The following TYW1 variants were observed in gnomAD, a reference collection of about 807,000 sequenced individuals.
TYW1 encodes S-adenosyl-L-methionine-dependent tRNA 4-demethylwyosine synthase TYW1.
TYW1 carries 46 observed loss-of-function variants against 96.2 expected under a neutral mutation model. The observed-to-expected ratio is 0.48, with a 90% CI of 0.38 to 0.61. TYW1 has a LOEUF of 0.61. Ranked by LOEUF, TYW1 falls within the 20% of genes least tolerant of loss-of-function variation. The pLI, the probability that TYW1 is intolerant of heterozygous loss-of-function variation, is 0.00. For missense variants in TYW1, 684 were observed against 909.6 expected (o/e 0.75, Z 3.19); for synonymous variants, 274 against 323.0 (o/e 0.85, Z 1.63).
intron 15 of TYW1, among the ~76,000 whole-genome samples, chr7:67,209,558 C>A (rs1430149235): frequency 6.6e-6 from 1 of 151,912 alleles, no homozygotes; most frequent in African/African-American, 2.4e-5. Flanking sequence ...CTTCATTCTT[C>A]CTGTAAAATT....
intron 13 of TYW1, among the ~76,000 whole-genome samples, chr7:67,137,999 C>T (rs7791271): frequency 0.24 from 36,855 of 151,982 alleles, 4,729 homozygotes; most frequent in African/African-American, 0.32. Flanking sequence ...AGGTTGCTAC[C>T]GATCTGGACT....
intron 13 of TYW1, among the ~76,000 whole-genome samples, chr7:67,143,112 G>T (rs143468521): frequency 6.6e-6 from 1 of 151,326 alleles, no homozygotes; most frequent in Admixed American, 6.6e-5. Context: ...TAATTTTTGT[G>T]TATAAATGAC....
rs183305856 is a variant in TYW1 at position 67,128,296 on chromosome 7, A to C, written c.1698+10678A>C. Among the ~76,000 whole-genome samples the C allele has an allele frequency of 4.6e-5, 7 of 152,236 alleles. No individual in the cohort carries two copies. The East Asian group carries it at 1.4e-3, about 30-fold the overall frequency. Reference sequence around the variant, plus strand: ...TTCTGTTGAGAATCCTTAAACTCAGAGATTCCTTCATCAGCCATATCCAGT... The same window carrying C: ...TTCTGTTGAGAATCCTTAAACTCAGCGATTCCTTCATCAGCCATATCCAGT... On this transcript the variant is annotated intron_variant, in intron 13 of 15. Coordinates refer to ENST00000359626, the MANE Select transcript of TYW1 (RefSeq NM_018264.4).
At chr7:67,005,885 C>CT (rs1562961591) in intron 3 of TYW1, among the ~76,000 whole-genome samples, 1 of 151,972 alleles carries the variant, frequency 6.6e-6, no homozygotes, top group Non-Finnish European at 1.5e-5. Context: ...TCCTTGGTTT[C>CT]TTTTTTTTCA....
intron 15 of TYW1, among the ~76,000 whole-genome samples, chr7:67,196,384 TG>T (rs1456188588): frequency 6.6e-6 from 1 of 152,190 alleles, no homozygotes; most frequent in Non-Finnish European, 1.5e-5. Context: ...AAAGTTCCTG[TG>T]GGCGTGTGTC....
chr7:67,043,722 C>G (rs1225535781), intron 7 of TYW1, among the ~76,000 whole-genome samples: 3 of 152,130 alleles, frequency 2.0e-5, no homozygotes, highest in African/African-American at 7.2e-5. Context: ...GTCTCTGTAG[C>G]TAGGAGCACT....
chr7:67,029,414 T>TATATATATATATATATATATATAC (rs1562973615), intron 7 of TYW1, among the ~76,000 whole-genome samples: 6 of 138,408 alleles, frequency 4.3e-5, no homozygotes, highest in Admixed American at 7.6e-5. Flanking sequence ...TGTGTGTGTG[T>TATATATATATATATATATATATAC]GTATATATAT....
chr7:67,111,747 A>T (rs530292270), intron 12 of TYW1, among the ~76,000 whole-genome samples: 2 of 152,330 alleles, frequency 1.3e-5, no homozygotes, highest in East Asian at 3.9e-4. Flanking sequence ...ACACTTGTTA[A>T]ATAACCAGAA....
chr7:67,042,145 ATAT>A (rs1163178650), intron 7 of TYW1, among the ~76,000 whole-genome samples: 9 of 147,854 alleles, frequency 6.1e-5, no homozygotes, highest in Non-Finnish European at 1.3e-4. Context: ...ATATAATTAT[ATAT>A]TATTAGTATA....
intron 13 of TYW1, among the ~76,000 whole-genome samples, chr7:67,180,403 T>G (rs1799799195): frequency 9.1e-6 from 1 of 109,372 alleles, no homozygotes; most frequent in South Asian, 2.9e-4. Flanking sequence ...TATATATATA[T>G]ATTTATATAT....
chr7:67,208,066 A>G (rs1042574795), intron 15 of TYW1, among the ~76,000 whole-genome samples: 10 of 152,144 alleles, frequency 6.6e-5, no homozygotes, highest in African/African-American at 2.4e-4. Context: ...GGTGGCTCAC[A>G]TCTGTAATCC....
At chr7:67,030,581 A>G (rs78193612) in intron 7 of TYW1, among the ~76,000 whole-genome samples, 47,292 of 132,908 alleles carry the variant, frequency 0.36, 7,312 homozygotes, top group East Asian at 0.55. Context: ...GCAGTGAGCC[A>G]AGATTGCACC....
chr7:67,205,795 CT>C (rs35166102), intron 15 of TYW1, among the ~76,000 whole-genome samples: 11 of 149,268 alleles, frequency 7.4e-5, no homozygotes, highest in Admixed American at 1.3e-4. Flanking sequence ...ACTTGGGACT[CT>C]TTTTTTTTTA....
chr7:67,020,533 C>T (rs921130627), intron 6 of TYW1, among the ~76,000 whole-genome samples: 5 of 152,268 alleles, frequency 3.3e-5, no homozygotes, highest in African/African-American at 9.6e-5. Flanking sequence ...CCATTGTGTC[C>T]GGCCAAGTAA....
chr7:67,211,021 A>ATTT (rs2116392809), intron 15 of TYW1, among the ~76,000 whole-genome samples: 1 of 150,940 alleles, frequency 6.6e-6, no homozygotes, highest in East Asian at 1.9e-4. Flanking sequence ...ATGCATGAAT[A>ATTT]TTTATTTTTT....
At chr7:67,021,324 C>T (rs1312246567) in intron 6 of TYW1, among the ~76,000 whole-genome samples, 1 of 152,290 alleles carries the variant, frequency 6.6e-6, no homozygotes, top group Non-Finnish European at 1.5e-5. Flanking sequence ...TCTTTCTCTG[C>T]TACATTTTCT....
At chr7:66,998,274 T>C in intron 2 of TYW1, 79 bp downstream of exon 2, 1 of 1,509,964 alleles carries the variant, frequency 6.6e-7, no homozygotes, top group Non-Finnish European at 8.8e-7. Flanking sequence ...AAAGGAACCT[T>C]TAATTACTTT....
chr7:67,084,037 G>GAAAT (rs535966004), intron 11 of TYW1, among the ~76,000 whole-genome samples: 1 of 152,072 alleles, frequency 6.6e-6, no homozygotes, highest in Non-Finnish European at 1.5e-5. Context: ...CTCCATCTCA[G>GAAAT]AAATAAATAA....
chr7:67,234,445 G>A (rs1305713768), intron 15 of TYW1, among the ~76,000 whole-genome samples: 2 of 151,964 alleles, frequency 1.3e-5, no homozygotes, highest in African/African-American at 4.8e-5. Flanking sequence ...GGCCATGTGG[G>A]AAAGAGCAAG....
Sources: gnomAD v4.1 joint callset for allele counts (sites outside exome capture counted in the v4.1 genomes callset) on GRCh38, gnomAD v4.1.1 for gene constraint, MANE v1.5 for transcripts, NCBI Gene and HGNC (gene_info 2026-07-23, HGNC 2026-07-21) for gene names.